Variants in ANKHD1 observed in about 807,000 individuals in gnomAD.
ANKHD1 encodes the protein ankyrin repeat and KH domain-containing protein 1.
In ANKHD1, 31 loss-of-function variants were observed where a neutral mutation model predicts 230.5. The ratio of observed to expected loss-of-function variants is 0.13; its 90% CI spans 0.10 to 0.18. ANKHD1 has a LOEUF of 0.18. Ranked by LOEUF, ANKHD1 falls within the 10% of genes least tolerant of loss-of-function variation. ANKHD1 has a pLI of 1.00. For missense variants in ANKHD1, 2,256 were observed against 3,071.3 expected, an observed-to-expected ratio of 0.73 and a Z score of 6.27; for synonymous variants, 1,074 against 1,117.6, an observed-to-expected ratio of 0.96 and a Z score of 0.78.
At chr5:140,476,907 G>T (rs1435870839) in intron 10 of ANKHD1, among the ~76,000 whole-genome samples, 2 of 152,094 alleles carry the variant, frequency 1.3e-5, no homozygotes, top group South Asian at 2.1e-4. Context: ...TAAAAGCCAC[G>T]CTAGAGTCTT....
chr5:140,433,945 A>G (rs1361786481), intron 1 of ANKHD1, among the ~76,000 whole-genome samples: 2 of 152,168 alleles, frequency 1.3e-5, no homozygotes, highest in Admixed American at 6.5e-5. Flanking sequence ...GTCATTTGAC[A>G]ACTGGTTGCC....
intron 10 of ANKHD1, among the ~76,000 whole-genome samples, chr5:140,481,915 A>G (rs1171014563): frequency 1.3e-5 from 2 of 152,088 alleles, no homozygotes; most frequent in African/African-American, 4.8e-5. Context: ...ATTACTCACC[A>G]TATAAGCAAG....
At chr5:140,453,437 G>GA (rs1035951023) in intron 7 of ANKHD1, among the ~76,000 whole-genome samples, 3 of 152,090 alleles carry the variant, frequency 2.0e-5, no homozygotes, top group African/African-American at 7.2e-5. Context: ...TGAAATGAAG[G>GA]AAAAAATGTT....
At chr5:140,495,357 T>C (rs1045065092) in intron 14 of ANKHD1, among the ~76,000 whole-genome samples, 1 of 151,856 alleles carries the variant, frequency 6.6e-6, no homozygotes, top group African/African-American at 2.4e-5. Flanking sequence ...GCCATTCTCC[T>C]GCCTCAGCCT....
intron 14 of ANKHD1, among the ~76,000 whole-genome samples, chr5:140,487,301 A>T (rs1000425937): frequency 6.6e-6 from 1 of 152,224 alleles, no homozygotes; most frequent in African/African-American, 2.4e-5. Flanking sequence ...AGATGAAAAC[A>T]CTTAAGAAAC....
chr5:140,478,399 C>A (rs1581315180), intron 10 of ANKHD1, among the ~76,000 whole-genome samples: 2 of 140,946 alleles, frequency 1.4e-5, no homozygotes, highest in South Asian at 2.2e-4. Context: ...GCACAGATAA[C>A]AATAAACTTA....
rs1051872444 is a variant in ANKHD1 at position 140,466,886 on chromosome 5, A to G, written c.1782+2110A>G. Among the ~76,000 whole-genome samples the G allele has an allele frequency of 2.0e-5, 3 of 151,914 alleles. No individual in the cohort carries two copies. The South Asian group carries it at 6.2e-4, about 32-fold the overall frequency. ...GAGGCGGAGGTTGCAGTGAGCTGAG[A>G]TAGTGCCATTGCACTCCAGCCTGGG... On this transcript the variant is annotated intron_variant, in intron 10 of 33. Transcript: ENST00000360839.
chr5:140,460,472 T>A (rs1187609572), intron 9 of ANKHD1, among the ~76,000 whole-genome samples: 1 of 152,202 alleles, frequency 6.6e-6, no homozygotes, highest in Non-Finnish European at 1.5e-5. Flanking sequence ...TAGCCCAACC[T>A]CAGTTTTTCC....
intron 24 of ANKHD1, among the ~76,000 whole-genome samples, chr5:140,515,377 C>G (rs1752953598): frequency 6.6e-6 from 1 of 152,054 alleles, no homozygotes; most frequent in Admixed American, 6.6e-5. Context: ...CATTGGAAAT[C>G]ATTTGTTTAT....
At chr5:140,490,415 C>T (rs12187851) in intron 14 of ANKHD1, among the ~76,000 whole-genome samples, 4,030 of 152,232 alleles carry the variant, frequency 0.026, 114 homozygotes, top group South Asian at 0.12. Flanking sequence ...GTACAGGCTC[C>T]GTCCATCTTG....
At chr5:140,530,303 C>A (rs1057448521) in intron 29 of ANKHD1, among the ~76,000 whole-genome samples, 2 of 152,100 alleles carry the variant, frequency 1.3e-5, no homozygotes, top group African/African-American at 4.8e-5. Flanking sequence ...CCTCCGCCTC[C>A]TAGGCTCAAG....
intron 7 of ANKHD1, among the ~76,000 whole-genome samples, chr5:140,453,971 C>G (rs1425034129): frequency 6.6e-6 from 1 of 152,166 alleles, no homozygotes; most frequent in African/African-American, 2.4e-5. Flanking sequence ...GGAGACACAT[C>G]TCACGTGCAG....
intron 6 of ANKHD1, among the ~76,000 whole-genome samples, 176 bp from the exon 7 acceptor site, chr5:140,449,035 A>T (rs1365807178): frequency 1.3e-5 from 2 of 152,228 alleles, no homozygotes; most frequent in East Asian, 3.8e-4. Flanking sequence ...GACCTTGAAA[A>T]AAGCCTGTAT....
chr5:140,414,717 C>T (rs1317964282), intron 1 of ANKHD1, among the ~76,000 whole-genome samples: 1 of 151,838 alleles, frequency 6.6e-6, no homozygotes, highest in African/African-American at 2.4e-5. Flanking sequence ...CCTGTAGTCC[C>T]AGCTACTCAA....
rs953395768 is a variant in ANKHD1 at position 140,459,348 on chromosome 5, G to A, written c.1665G>A (p.Leu555=). 16 of 1,568,318 alleles carry A rather than the reference G, an allele frequency of 1.0e-5. No homozygotes were observed. Among genetic ancestry groups the A allele is most frequent in the African/African-American group, 1.4e-5 (1 of 74,022 alleles). Residue 555 remains leucine (L), a synonymous_variant, in exon 9 of 34, where the codon CTG becomes CTA. Transcript: ENST00000360839. The part of the protein sequence containing the change: ...EGHLELVKYL[L]ASGANVHATT... ...ACCTGGAATTGGTTAAATATTTGCTGGCTTCTGGTATGTGGCTTTAAGATG... is the reference window on the plus strand; with the variant it reads ...ACCTGGAATTGGTTAAATATTTGCTAGCTTCTGGTATGTGGCTTTAAGATG...
chr5:140,421,757 A>G (rs993199230), intron 1 of ANKHD1, among the ~76,000 whole-genome samples: 1 of 152,182 alleles, frequency 6.6e-6, no homozygotes, highest in Non-Finnish European at 1.5e-5. Flanking sequence ...TCAGTGAACA[A>G]TAAGAGTCTG....
At chr5:140,463,133 GC>G (rs1775839935) in intron 9 of ANKHD1, among the ~76,000 whole-genome samples, 1 of 152,092 alleles carries the variant, frequency 6.6e-6, no homozygotes, top group Non-Finnish European at 1.5e-5. Context: ...ACAGGCATGA[GC>G]CACTGTGCCT....
Position 140,462,724 on chromosome 5 carries a change from C to CAAAA in ANKHD1, c.1673-1931_1673-1928dup, listed in dbSNP as rs70988762. 5.6e-5 allele frequency among the ~76,000 whole-genome samples: 5 copies of CAAAA among 89,030 alleles called. 1 individual carries two copies. The highest frequency in any genetic ancestry group is 5.1e-4 in the South Asian group (1 of 1,950). The allele number at this position is 89,030 out of a possible 152,430, so 58.4% of individuals were successfully genotyped here. On this transcript the variant is annotated intron_variant, in intron 9 of 33. Transcript: ENST00000360839. Reference sequence around the variant, plus strand: ...TGGGTGACAGAGCGAGACTCCATCTCAAAAAAAAAAAAAAAGAATGGCAAG... The same window carrying CAAAA: ...TGGGTGACAGAGCGAGACTCCATCTCAAAAAAAAAAAAAAAAAAAGAATGGCAAG...
chr5:140,477,414 C>T (rs943513033), intron 10 of ANKHD1, among the ~76,000 whole-genome samples: 6 of 152,012 alleles, frequency 3.9e-5, no homozygotes, highest in Non-Finnish European at 4.4e-5. Flanking sequence ...CATTCTGTTT[C>T]CAGTAAATAT....
Sources: gnomAD v4.1 joint callset for allele counts (sites outside exome capture counted in the v4.1 genomes callset) on GRCh38, gnomAD v4.1.1 for gene constraint, MANE v1.5 for transcripts, NCBI Gene and HGNC (gene_info 2026-07-23, HGNC 2026-07-21) for gene names.